Variants in FLI1 observed in about 807,000 individuals in gnomAD.
The protein encoded by FLI1 is Fli-1 proto-oncogene, ETS transcription factor, also known as Friend leukemia integration 1 transcription factor.
In FLI1, 13 loss-of-function variants were observed where a neutral mutation model predicts 53.1. The observed-to-expected ratio is 0.24, with a 90% CI of 0.16 to 0.39. FLI1 has a LOEUF of 0.39. Ranked by LOEUF, FLI1 falls within the 10% of genes least tolerant of loss-of-function variation. The pLI is 1.00. For missense variants in FLI1, 424 were observed against 600.5 expected, an observed-to-expected ratio of 0.71 and a Z score of 3.07; for synonymous variants, 244 against 236.7, an observed-to-expected ratio of 1.03 and a Z score of -0.28.
At chr11:128,761,967 T>C (rs955691360) in intron 2 of FLI1, among the ~76,000 whole-genome samples, 2 of 152,086 alleles carry the variant, frequency 1.3e-5, no homozygotes, top group East Asian at 3.9e-4. Flanking sequence ...GACAATCCTG[T>C]GGACTCTCAG....
At chr11:128,698,917 C>T (rs575964174) in intron 1 of FLI1, among the ~76,000 whole-genome samples, 1 of 152,182 alleles carries the variant, frequency 6.6e-6, no homozygotes, top group South Asian at 2.1e-4. Flanking sequence ...TTTTATACAA[C>T]TGTTTTCCAA....
In FLI1 at chr11:128,810,598, G is replaced by A. The variant is rs765367649; in HGVS notation, c.969G>A (p.Glu323=). The change falls in exon 9 of 9, where the codon GAG becomes GAA. Residue 323 remains glutamate, a synonymous_variant. Coordinates refer to ENST00000527786, the MANE Select transcript of FLI1 (RefSeq NM_002017.5). The surrounding 1 kb of genome is among the most constrained non-coding windows in gnomAD (Gnocchi z 6.6). ...ATGAGGTGGCCAGGCGCTGGGGCGAGCGGAAAAGCAAGCCCAACATGAATT... is the reference window on the plus strand; with the variant it reads ...ATGAGGTGGCCAGGCGCTGGGGCGAACGGAAAAGCAAGCCCAACATGAATT... ...DPDEVARRWG[E]RKSKPNMNYD... is the part of the protein sequence containing the mutation. 3.1e-6 allele frequency: 5 copies of A among 1,613,876 alleles called. No homozygotes were observed. The highest frequency in any genetic ancestry group is 4.2e-6 in the Non-Finnish European group (5 of 1,179,888).
intron 2 of FLI1, 88 bp downstream of exon 2, chr11:128,758,414 C>A: frequency 1.9e-6 from 2 of 1,076,416 alleles, no homozygotes; most frequent in Non-Finnish European, 2.8e-6. Context: ...AAGGTTTTTG[C>A]AGCAGATGGG....
At chr11:128,691,637 T>G (rs1937743096), upstream of FLI1, 1 of 152,214 alleles carries the variant, frequency 6.6e-6, no homozygotes, top group East Asian at 1.9e-4. Context: ...TTGCCGTAGC[T>G]TTGGAGAAAC....
At chr11:128,775,726 G>A (rs1941709123) in intron 4 of FLI1, among the ~76,000 whole-genome samples, 1 of 152,262 alleles carries the variant, frequency 6.6e-6, no homozygotes, top group Non-Finnish European at 1.5e-5. Flanking sequence ...TGGAGAGTTT[G>A]AGGCGATGAG....
chr11:128,738,756 G>T (rs118003510), intron 1 of FLI1, among the ~76,000 whole-genome samples: 3 of 152,182 alleles, frequency 2.0e-5, no homozygotes. Context: ...TGCAGGTGTC[G>T]TCGTTATTAG....
chr11:128,731,576 C>A (rs1591761392), intron 1 of FLI1, among the ~76,000 whole-genome samples: 1 of 151,888 alleles, frequency 6.6e-6, no homozygotes, highest in East Asian at 1.9e-4. Flanking sequence ...AACAAAAAAA[C>A]CCTTCCTGAG....
intron 1 of FLI1, among the ~76,000 whole-genome samples, chr11:128,723,109 C>G (rs1416127619): frequency 1.3e-5 from 2 of 152,136 alleles, no homozygotes; most frequent in African/African-American, 4.8e-5. Flanking sequence ...TCTGAAGGCT[C>G]CACCTCCACG....
At chr11:128,748,505 C>T (rs761987188) in intron 1 of FLI1, among the ~76,000 whole-genome samples, 13 of 151,960 alleles carry the variant, frequency 8.6e-5, no homozygotes, top group South Asian at 2.1e-4. Context: ...TGGTGGTGGG[C>T]GCCTGTAATC....
intron 1 of FLI1, among the ~76,000 whole-genome samples, chr11:128,720,445 A>ACGATG (rs1939205646): frequency 1.3e-5 from 2 of 152,226 alleles, no homozygotes; most frequent in Admixed American, 1.3e-4. Context: ...TGCTGAAAAG[A>ACGATG]CGATGTTTAA....
At position 128,700,731 on chromosome 11, in the gene FLI1, G is replaced by A. The variant is rs149297181; in HGVS notation, c.18+6455G>A. Among the ~76,000 whole-genome samples, 163 of 152,132 alleles carry A rather than the reference G, an allele frequency of 1.1e-3. 1 individual carries two copies. Among genetic ancestry groups the A allele is most frequent in the African/African-American group, 3.7e-3 (154 of 41,502 alleles). ...TCTACAAAAACTACAAAAATTAGCC[G>A]GGCATGGTGGCACTCACCTGTAGTC... On this transcript the variant is annotated intron_variant, in intron 1 of 8. Coordinates refer to ENST00000527786, the MANE Select transcript of FLI1 (RefSeq NM_002017.5).
chr11:128,766,718 G>A (rs898369741), intron 2 of FLI1, among the ~76,000 whole-genome samples: 1 of 151,834 alleles, frequency 6.6e-6, no homozygotes, highest in East Asian at 2.0e-4. Flanking sequence ...GTACGGCCCT[G>A]CTCCTCAAGG....
chr11:128,711,390 G>T (rs1386235263), intron 1 of FLI1, among the ~76,000 whole-genome samples: 4 of 152,216 alleles, frequency 2.6e-5, no homozygotes, highest in Non-Finnish European at 5.9e-5. Context: ...AAAGCAAAAT[G>T]AAAAGTGAAT....
intron 1 of FLI1, among the ~76,000 whole-genome samples, chr11:128,734,988 G>A (rs140276513): frequency 3.3e-5 from 5 of 152,310 alleles, no homozygotes; most frequent in African/African-American, 9.6e-5. Flanking sequence ...AGGGCCCCAC[G>A]GAAGGGAGTC....
chr11:128,685,172 C>T (rs1463023705), upstream of FLI1, among the ~76,000 whole-genome samples: 1 of 152,230 alleles, frequency 6.6e-6, no homozygotes, highest in African/African-American at 2.4e-5. Context: ...CTGCAGCCCC[C>T]CAGGATGCGC....
intron 3 of FLI1, among the ~76,000 whole-genome samples, chr11:128,771,668 G>A (rs928424381): frequency 3.3e-5 from 5 of 152,172 alleles, no homozygotes; most frequent in East Asian, 1.9e-4. Context: ...ATTAGAAGCC[G>A]GAGGCTAATG....
At position 128,772,974 on chromosome 11, in the gene FLI1, A is replaced by G. The variant is rs1314151855; in HGVS notation, c.578A>G (p.Tyr193Cys). The G allele has an allele frequency of 6.2e-7, 1 of 1,613,662 alleles. No homozygotes were observed. Among genetic ancestry groups the G allele is most frequent in the Admixed American group, 1.7e-5 (1 of 60,028 alleles). ...NTEVLLSHLS[Y>C]LRESSLLAYN... ...GAAGTGCTGTTGTCACACCTCAGTT[A>G]CCTCAGGGAAAGTAAGTGCCGCCCA... The change falls in exon 4 of 9, where the codon TAC (tyrosine) becomes TGC (cysteine). Residue 193 changes from tyrosine to cysteine, a missense_variant. Around this residue, in one of 5 missense-constraint regions of FLI1, gnomAD observed 114 missense variants for 117.9 expected, o/e 0.97. Transcript: ENST00000527786.
intron 3 of FLI1, among the ~76,000 whole-genome samples, chr11:128,771,284 C>T (rs1308769625): frequency 6.6e-6 from 1 of 152,230 alleles, no homozygotes; most frequent in Non-Finnish European, 1.5e-5. Flanking sequence ...TCTCCTAACT[C>T]CTCCCCTTTG....
At chr11:128,785,375 G>A (rs1942049295) in intron 5 of FLI1, among the ~76,000 whole-genome samples, 1 of 151,488 alleles carries the variant, frequency 6.6e-6, no homozygotes, top group Non-Finnish European at 1.5e-5. Flanking sequence ...TCTCTATTTT[G>A]CAGACAAAGA....
Sources: allele counts gnomAD v4.1 joint callset (sites outside exome capture counted in the v4.1 genomes callset), GRCh38; gene constraint gnomAD v4.1.1; regional missense constraint gnomAD v4.1.1; non-coding constraint Gnocchi (gnomAD v3.1); transcripts MANE v1.5; gene names NCBI Gene and HGNC (gene_info 2026-07-23, HGNC 2026-07-21).